The following FXYD2 variants were observed in gnomAD, a reference collection of about 807,000 sequenced individuals.
FXYD2 encodes the protein sodium/potassium-transporting ATPase subunit gamma.
A neutral mutation model predicts 11.8 loss-of-function variants in FXYD2; 8 were observed. That is an observed-to-expected ratio of 0.68 (90% CI 0.40 to 1.22). The LOEUF is 1.22. FXYD2 is among the 50% of genes most tolerant of loss of function. The pLI is 0.01. For synonymous variants in FXYD2, 42 were observed against 33.3 expected (o/e 1.26, Z -0.90); for missense variants, 92 against 91.8 (o/e 1.00, Z -0.01).
chr11:117,824,855 C>T, upstream of FXYD2: 1 of 797,258 alleles, frequency 1.3e-6, no homozygotes. This position sits in a 1 kb window ranked among gnomAD's most constrained non-coding sequence, Gnocchi z 4.0. Flanking sequence ...GGAGGGGCTC[C>T]TTCTGCAGGG....
chr11:117,822,812 C>A lies in FXYD2; in HGVS notation c.26-95G>T. On this transcript the variant is annotated intron_variant, in intron 1 of 5. Transcript: ENST00000292079. The surrounding 1 kb of genome is among the most constrained non-coding windows in gnomAD (Gnocchi z 4.7). The stretch of plus-strand genomic sequence containing the variant: ...TCCCTGTCCTTCCCTTCCCAGAGGA[C>A]CCTCGAGGGTCCAAGCAGGCGAGGG... The A allele has an allele frequency of 6.6e-7, 1 of 1,521,720 alleles. No homozygotes were observed. Among genetic ancestry groups the A allele is most frequent in the Non-Finnish European group, 8.9e-7 (1 of 1,122,624 alleles). 94.3% of individuals were successfully genotyped at this position (1,521,720 alleles called of 1,614,324 possible).
chr11:117,824,894 G>A, upstream of FXYD2: 2 of 667,242 alleles, frequency 3.0e-6, no homozygotes, highest in East Asian at 5.4e-5. This position sits in a 1 kb window ranked among gnomAD's most constrained non-coding sequence, Gnocchi z 4.0. Flanking sequence ...GGCAGGGGCA[G>A]GGAGGAGCTG....
chr11:117,821,284 C>T (rs971766667), intron 3 of FXYD2: 3 of 907,694 alleles, frequency 3.3e-6, no homozygotes, highest in Admixed American at 5.9e-5. Flanking sequence ...TGGTCTTAAA[C>T]TCCTGGTCTC....
At chr11:117,821,319 C>T (rs1375351952) in intron 3 of FXYD2, 1 of 982,200 alleles carries the variant, frequency 1.0e-6, no homozygotes, top group East Asian at 1.1e-4. Flanking sequence ...CCTTGGCCTC[C>T]TAATATGCCG....
In FXYD2 at chr11:117,824,379, T is replaced by C. The variant is rs1240716058; in HGVS notation, c.25+275A>G. ...CAAGATGCATTGAACTCAGGGCGGG[T>C]GTGTGCCAGGAGGCCGAGGAGGAAC... On this transcript the variant is annotated intron_variant, in intron 1 of 5. Coordinates refer to ENST00000292079, the MANE Select transcript of FXYD2 (RefSeq NM_001680.5). The surrounding 1 kb of genome is among the most constrained non-coding windows in gnomAD (Gnocchi z 4.0). The C allele has an allele frequency of 1.7e-6, 1 of 577,812 alleles. No individual in the cohort carries two copies. Among genetic ancestry groups the C allele is most frequent in the Admixed American group, 2.9e-5 (1 of 34,564 alleles). The allele number at this position is 577,812 out of a possible 1,614,324, so 35.8% of individuals were successfully genotyped here.
chr11:117,824,548 A>G lies in FXYD2; in HGVS notation c.25+106T>C. The G allele has an allele frequency of 1.1e-6, 1 of 906,698 alleles. No individual in the cohort carries two copies. The allele number at this position is 906,698 out of a possible 1,614,324, so 56.2% of individuals were successfully genotyped here. On this transcript the variant is annotated intron_variant, in intron 1 of 5. Coordinates refer to ENST00000292079, the MANE Select transcript of FXYD2 (RefSeq NM_001680.5). The surrounding 1 kb of genome is among the most constrained non-coding windows in gnomAD (Gnocchi z 4.0). Reference sequence around the variant, plus strand: ...AGGGGCTGGGTACTCTGGAAGGCTGAGGTGGCAGGAGAGGGAAGAGTAGGG... The same window carrying G: ...AGGGGCTGGGTACTCTGGAAGGCTGGGGTGGCAGGAGAGGGAAGAGTAGGG...
upstream of FXYD2, chr11:117,824,763 G>A: frequency 6.4e-7 from 1 of 1,569,440 alleles, no homozygotes; most frequent in African/African-American, 1.4e-5. This position sits in a 1 kb window ranked among gnomAD's most constrained non-coding sequence, Gnocchi z 4.0. Flanking sequence ...CCACGGGGTG[G>A]CCGGGGACGA....
chr11:117,820,892 C>T lies in FXYD2; in HGVS notation c.143G>A (p.Arg48Lys), dbSNP rs74443383. The T allele has an allele frequency of 6.0e-5, 97 of 1,613,832 alleles. No homozygotes were observed. The highest frequency in any genetic ancestry group is 9.3e-5 in the African/African-American group (7 of 74,890). ...CTTATTGCCCCCACAGCGGAATCTT[C>T]TGCCTTGAAAAGAGAAAAGGAGATT... ...FIVGLLILLSRRFRCGGNKKR... is the reference protein window; with the variant it reads ...FIVGLLILLSKRFRCGGNKKR... The change falls in exon 4 of 6, where the codon AGA becomes AAA. Residue 48 changes from arginine to lysine, a missense_variant. Arg to Lys is a conservative substitution (Grantham distance 26, BLOSUM62 2). Coordinates refer to ENST00000292079, the MANE Select transcript of FXYD2 (RefSeq NM_001680.5).
At chr11:117,826,778 GTCTATCTATCTATCTA>G (rs150585221), upstream of FXYD2, among the ~76,000 whole-genome samples, 3,058 of 125,836 alleles carry the variant, frequency 0.024, 46 homozygotes, top group Non-Finnish European at 0.036. Flanking sequence ...CTGTCTGTCT[GTCTATCTATCTATCTA>G]TCTATCTATC....
At chr11:117,826,028 C>T (rs182320155), upstream of FXYD2, among the ~76,000 whole-genome samples, 68 of 152,244 alleles carry the variant, frequency 4.5e-4, no homozygotes, top group Non-Finnish European at 8.1e-4. Context: ...GTAAAATGGG[C>T]GCAGTACCCA....
upstream of FXYD2, among the ~76,000 whole-genome samples, chr11:117,825,478 G>A (rs570323079): frequency 5.3e-4 from 81 of 152,276 alleles, 1 homozygote; most frequent in African/African-American, 1.9e-3. Context: ...GACTTTCATC[G>A]TGGGGAAAAC....
chr11:117,827,188 G>A (rs1445623073), upstream of FXYD2, among the ~76,000 whole-genome samples: 2 of 152,190 alleles, frequency 1.3e-5, no homozygotes, highest in Non-Finnish European at 2.9e-5. Flanking sequence ...AATAGGGAAA[G>A]CTAGTTGATG....
At chr11:117,826,216 A>G (rs1203486961), upstream of FXYD2, among the ~76,000 whole-genome samples, 1 of 152,214 alleles carries the variant, frequency 6.6e-6, no homozygotes, top group African/African-American at 2.4e-5. Context: ...GCCACCCTCC[A>G]ATGAAAATGG....
At position 117,822,954 on chromosome 11, in the gene FXYD2, C is replaced by T. The variant is rs931480224; in HGVS notation, c.26-237G>A. Among the ~76,000 whole-genome samples, 1 of 152,090 alleles carries T rather than the reference C, an allele frequency of 6.6e-6. No individual in the cohort carries two copies. Among genetic ancestry groups the T allele is most frequent in the African/African-American group, 2.4e-5 (1 of 41,418 alleles). ...AGTGTCCGAGGGGGATCCGTGCTGT[C>T]TGGGGGGCCTCTGACCACTCCGGAA... On this transcript the variant is annotated intron_variant, in intron 1 of 5. Coordinates refer to ENST00000292079, the MANE Select transcript of FXYD2 (RefSeq NM_001680.5). The surrounding 1 kb of genome is among the most constrained non-coding windows in gnomAD (Gnocchi z 4.7).
chr11:117,825,411 G>A (rs548306343), upstream of FXYD2, among the ~76,000 whole-genome samples: 5 of 152,318 alleles, frequency 3.3e-5, no homozygotes, highest in South Asian at 2.1e-4. Flanking sequence ...CCTGGCTCTC[G>A]GATTGTGTCC....
At chr11:117,825,629 G>A (rs919222180), upstream of FXYD2, among the ~76,000 whole-genome samples, 1 of 152,170 alleles carries the variant, frequency 6.6e-6, no homozygotes, top group Non-Finnish European at 1.5e-5. Flanking sequence ...CCAGTGTGGG[G>A]GAAGTGGAGA....
In FXYD2 at chr11:117,820,875, C is replaced by T; in HGVS notation, c.160G>A (p.Gly54Ser). The T allele has an allele frequency of 6.2e-7, 1 of 1,613,892 alleles. No individual in the cohort carries two copies. Among genetic ancestry groups the T allele is most frequent in the Non-Finnish European group, 8.5e-7 (1 of 1,179,990 alleles). ...AGCGCTCACCTGCGCTTCTTATTGCCCCCACAGCGGAATCTTCTGCCTTGA... is the reference window on the plus strand; with the variant it reads ...AGCGCTCACCTGCGCTTCTTATTGCTCCCACAGCGGAATCTTCTGCCTTGA... ...ILLSRRFRCG[G>S]NKKRRQINED... The change falls in exon 4 of 6, where the codon GGC becomes AGC. Residue 54 changes from glycine to serine, a missense_variant. Physicochemically the swap from Gly to Ser is moderately conservative, Grantham distance 56. Transcript: ENST00000292079.
At position 117,822,356 on chromosome 11, in the gene FXYD2, A is replaced by G; in HGVS notation, c.139+50T>C. On this transcript the variant is annotated intron_variant, in intron 3 of 5. Transcript: ENST00000292079. This position sits in a 1 kb window ranked among gnomAD's most constrained non-coding sequence, Gnocchi z 4.7. ...AGCCAGCCTGCTCAGCGGCCTTGAG[A>G]AGAGAGGTGCCCTGGTCAGCACCCC... 2 of 1,550,538 alleles carry G rather than the reference A, an allele frequency of 1.3e-6. No individual in the cohort carries two copies. Among genetic ancestry groups the G allele is most frequent in the Admixed American group, 3.9e-5 (2 of 51,000 alleles).
At chr11:117,827,022 C>T (rs184881074), upstream of FXYD2, among the ~76,000 whole-genome samples, 99 of 150,802 alleles carry the variant, frequency 6.6e-4, no homozygotes, top group African/African-American at 2.4e-3. Context: ...AGGGCTCCCA[C>T]TGCGGGGGGG....
Sources: gnomAD v4.1 joint callset for allele counts (sites outside exome capture counted in the v4.1 genomes callset) on GRCh38, gnomAD v4.1.1 for gene constraint, Gnocchi (gnomAD v3.1) non-coding constraint, MANE v1.5 for transcripts, NCBI Gene and HGNC (gene_info 2026-07-23, HGNC 2026-07-21) for gene names.